The following ARHGAP42 variants were observed in gnomAD, a reference collection of about 807,000 sequenced individuals.
ARHGAP42 encodes Rho GTPase activating protein 42, also known as rho GTPase-activating protein 42.
Under a neutral mutation model 125.0 loss-of-function variants are expected in ARHGAP42, and 63 were observed. That is an observed-to-expected ratio of 0.50 (90% confidence interval 0.41 to 0.62). The LOEUF is 0.62. Ranked by LOEUF, ARHGAP42 falls within the 20% of genes least tolerant of loss-of-function variation. The pLI is 0.00. For synonymous variants in ARHGAP42, 339 were observed against 351.0 expected (o/e 0.97, Z 0.38); for missense variants, 766 against 1,024.2 (o/e 0.75, Z 3.44).
At chr11:100,922,800 G>T (rs1289893616) in intron 6 of ARHGAP42, among the ~76,000 whole-genome samples, 1 of 152,130 alleles carries the variant, frequency 6.6e-6, no homozygotes, top group Non-Finnish European at 1.5e-5. Flanking sequence ...TGGCTTCCAG[G>T]ACCTCTTCCT....
At chr11:100,697,959 C>T (rs1861315521) in intron 1 of ARHGAP42, among the ~76,000 whole-genome samples, 1 of 152,146 alleles carries the variant, frequency 6.6e-6, no homozygotes, top group South Asian at 2.1e-4. Flanking sequence ...CTTTCTCTTC[C>T]TTCTATGAAA....
intron 3 of ARHGAP42, among the ~76,000 whole-genome samples, chr11:100,844,435 A>G (rs994326592): frequency 2.0e-5 from 3 of 148,758 alleles, no homozygotes; most frequent in Non-Finnish European, 2.9e-5. Context: ...ATAGAAACAA[A>G]GATAAATAGC....
chr11:100,723,029 T>A (rs1217030901), intron 1 of ARHGAP42, among the ~76,000 whole-genome samples: 1 of 152,232 alleles, frequency 6.6e-6, no homozygotes, highest in East Asian at 1.9e-4. Context: ...GATGTCGTGT[T>A]GTTCCAGCAT....
At chr11:100,846,460 A>G (rs1267679277) in intron 3 of ARHGAP42, among the ~76,000 whole-genome samples, 1 of 152,048 alleles carries the variant, frequency 6.6e-6, no homozygotes, top group Non-Finnish European at 1.5e-5. Flanking sequence ...TGATTTTGGC[A>G]TTTTCCACTC....
intron 2 of ARHGAP42, among the ~76,000 whole-genome samples, chr11:100,785,702 G>A (rs1039635848): frequency 1.3e-5 from 2 of 152,188 alleles, no homozygotes; most frequent in African/African-American, 4.8e-5. Context: ...CGAGGTGTAA[G>A]TGGTTGCTTG....
intron 4 of ARHGAP42, among the ~76,000 whole-genome samples, chr11:100,864,485 G>A (rs1865521536): frequency 6.6e-6 from 1 of 152,034 alleles, no homozygotes; most frequent in African/African-American, 2.4e-5. Flanking sequence ...CCTGGCCTAT[G>A]TCTGAGTTTC....
At position 100,976,842 on chromosome 11, in the gene ARHGAP42, A is replaced by G. The variant is rs1324096729; in HGVS notation, c.2264A>G (p.Gln755Arg). Residue 755 changes from glutamine to arginine, a missense_variant, in exon 21 of 24, where the codon CAA becomes CGA. Coordinates refer to ENST00000298815, the MANE Select transcript of ARHGAP42 (RefSeq NM_152432.4). ...AACAAGAGCTACAGTGGATCTATTC[A>G]AAGCTTAACTTCTGTAGGTTCCAAG... The part of the protein sequence containing the change: ...EGNKSYSGSI[Q>R]SLTSVGSKET... 3 of 1,551,014 alleles carry G rather than the reference A, an allele frequency of 1.9e-6. No individual in the cohort carries two copies. Among genetic ancestry groups the G allele is most frequent in the Non-Finnish European group, 2.6e-6 (3 of 1,146,818 alleles).
At chr11:100,782,276 T>C (rs993106188) in intron 2 of ARHGAP42, among the ~76,000 whole-genome samples, 2 of 152,224 alleles carry the variant, frequency 1.3e-5, no homozygotes, top group African/African-American at 2.4e-5. Context: ...CATTATAACA[T>C]GGAAGTCTTT....
intron 3 of ARHGAP42, among the ~76,000 whole-genome samples, chr11:100,801,107 A>G (rs937863018): frequency 6.6e-6 from 1 of 152,192 alleles, no homozygotes. Context: ...TTATGTCTGT[A>G]CTCAAAAAGT....
rs536996411 is a variant in ARHGAP42 at position 100,890,486 on chromosome 11, G to A, written c.385-22966G>A. Among the ~76,000 whole-genome samples, 7 of 152,080 alleles carry A rather than the reference G, an allele frequency of 4.6e-5. No homozygotes were observed. The South Asian group carries it at 8.3e-4, about 18-fold the overall frequency. On this transcript the variant is annotated intron_variant, in intron 4 of 23. Transcript: ENST00000298815. ...GCTTCATTAAGTACCATTCATATTCGTATTGTACATATGAGGAAATCTGAG... is the reference window on the plus strand; with the variant it reads ...GCTTCATTAAGTACCATTCATATTCATATTGTACATATGAGGAAATCTGAG...
At chr11:100,749,150 G>A (rs547568841) in intron 1 of ARHGAP42, among the ~76,000 whole-genome samples, 1 of 152,138 alleles carries the variant, frequency 6.6e-6, no homozygotes, top group Non-Finnish European at 1.5e-5. Context: ...GAAAGGAAAG[G>A]GGAGTTCTGA....
intron 1 of ARHGAP42, among the ~76,000 whole-genome samples, chr11:100,758,554 T>C (rs1395018127): frequency 6.6e-6 from 1 of 152,216 alleles, no homozygotes; most frequent in Non-Finnish European, 1.5e-5. Flanking sequence ...CATAAAATGA[T>C]GAGTTATCTT....
chr11:100,701,616 C>T (rs547271591), intron 1 of ARHGAP42, among the ~76,000 whole-genome samples: 1 of 152,298 alleles, frequency 6.6e-6, no homozygotes, highest in East Asian at 1.9e-4. Flanking sequence ...CCAACCTCCG[C>T]TCACTTCAAA....
rs763302463 is a variant in ARHGAP42, at chr11:100,980,559, C to CTTTTTTTTTTT, written c.2456+1530_2456+1540dup. Among the ~76,000 whole-genome samples the CTTTTTTTTTTT allele has an allele frequency of 3.8e-3, 197 of 51,932 alleles. 16 individuals carry two copies. The highest frequency in any genetic ancestry group is 7.7e-3 in the East Asian group (9 of 1,164). 34.1% of individuals were successfully genotyped at this position (51,932 alleles called of 152,430 possible). ...TCAAATCATACTTCTTTTTCTTCTT[C>CTTTTTTTTTTT]TTTTTTTTTTTTTTTTTTTTTTTTT... On this transcript the variant is annotated intron_variant, in intron 22 of 23. Transcript: ENST00000298815.
chr11:100,799,302 G>T (rs1818244105), intron 3 of ARHGAP42, among the ~76,000 whole-genome samples: 1 of 152,232 alleles, frequency 6.6e-6, no homozygotes, highest in Non-Finnish European at 1.5e-5. Context: ...CCCAGTGCCA[G>T]AGAGACAGCC....
chr11:100,832,659 C>A (rs1864689789), intron 3 of ARHGAP42, among the ~76,000 whole-genome samples: 1 of 152,078 alleles, frequency 6.6e-6, no homozygotes, highest in South Asian at 2.1e-4. Context: ...TGAAGCTAAA[C>A]TCTTCAGTTT....
At chr11:100,831,504 G>A (rs769719474) in intron 3 of ARHGAP42, among the ~76,000 whole-genome samples, 12 of 152,126 alleles carry the variant, frequency 7.9e-5, no homozygotes, top group Admixed American at 1.3e-4. Context: ...GAAAATATCC[G>A]ATGAAACACG....
chr11:100,725,934 C>CAAAAAAAAAA (rs57899188), intron 1 of ARHGAP42, among the ~76,000 whole-genome samples: 1 of 99,280 alleles, frequency 1.0e-5, no homozygotes, highest in Non-Finnish European at 2.0e-5. Context: ...GACTCCGTCT[C>CAAAAAAAAAA]AAAAAAAAAA....
intron 1 of ARHGAP42, among the ~76,000 whole-genome samples, chr11:100,700,909 A>G (rs972855018): frequency 2.6e-5 from 4 of 152,222 alleles, no homozygotes; most frequent in East Asian, 1.9e-4. Flanking sequence ...AAGGTTTTCA[A>G]TGTACTTTGC....
Sources: gnomAD v4.1 joint callset for allele counts (sites outside exome capture counted in the v4.1 genomes callset) on GRCh38, gnomAD v4.1.1 for gene constraint, MANE v1.5 for transcripts, NCBI Gene and HGNC (gene_info 2026-07-23, HGNC 2026-07-21) for gene names.